Variants in IL16 observed in about 807,000 individuals in gnomAD.
IL16 encodes interleukin 16, also known as pro-interleukin-16.
IL16 carries 67 observed loss-of-function variants against 110.1 expected under a neutral mutation model. The ratio of observed to expected loss-of-function variants is 0.61; its 90% confidence interval spans 0.50 to 0.75. The LOEUF (loss-of-function observed/expected upper bound fraction) is 0.75. IL16 is among the 30% of genes least tolerant of loss of function. IL16 has a pLI of 0.00. For synonymous variants in IL16, 689 were observed against 662.9 expected (o/e 1.04, Z -0.61); for missense variants, 1,545 against 1,655.0 (o/e 0.93, Z 1.15).
chr15:81,231,564 G>A (rs1390146366), intron 2 of IL16, among the ~76,000 whole-genome samples: 2 of 152,062 alleles, frequency 1.3e-5, no homozygotes, highest in Non-Finnish European at 2.9e-5. Flanking sequence ...GTAGAGGTGG[G>A]GTTTCACCAT....
Position 81,303,417 on chromosome 15 carries a change from G to C in IL16, c.3319-132G>C. 1 of 649,316 alleles carries C rather than the reference G, an allele frequency of 1.5e-6. No homozygotes were observed. The highest frequency in any genetic ancestry group is 2.8e-6 in the Non-Finnish European group (1 of 354,430). The allele number at this position is 649,316 out of a possible 1,614,324, so 40.2% of individuals were successfully genotyped here. On this transcript the variant is annotated intron_variant, in intron 15 of 18. Transcript: ENST00000683961. This position sits in a 1 kb window ranked among gnomAD's most constrained non-coding sequence, Gnocchi z 4.1. ...TTTACAGATGAGGAAACTGAGGTTT[G>C]AGGAGGTGATGTAACTTGGAGGCTG...
chr15:81,308,869 G>A lies in IL16; in HGVS notation c.*71G>A. Reference sequence around the variant, plus strand: ...AGCTCCCATAACCGCTGATTCTCAGGGTCTCTGCTGCCGCCCCACCCAGAT... The same window carrying A: ...AGCTCCCATAACCGCTGATTCTCAGAGTCTCTGCTGCCGCCCCACCCAGAT... On this transcript the variant is annotated 3_prime_UTR_variant, in exon 19 of 19. Coordinates refer to ENST00000683961, the MANE Select transcript of IL16 (RefSeq NM_172217.5). The A allele has an allele frequency of 3.7e-6, 5 of 1,357,030 alleles. No homozygotes were observed. The highest frequency in any genetic ancestry group is 5.4e-4 in the Middle Eastern group (2 of 3,722). The allele number at this position is 1,357,030 out of a possible 1,614,324, so 84.1% of individuals were successfully genotyped here.
chr15:81,247,070 C>CTCTTTTT (rs1567016849), intron 2 of IL16, among the ~76,000 whole-genome samples: 3 of 107,576 alleles, frequency 2.8e-5, no homozygotes, highest in African/African-American at 1.0e-4. Context: ...TCTTTCTTTT[C>CTCTTTTT]TTTTCCTTTT....
intron 2 of IL16, among the ~76,000 whole-genome samples, chr15:81,247,469 T>C (rs1360884892): frequency 6.6e-6 from 1 of 152,204 alleles, no homozygotes; most frequent in Non-Finnish European, 1.5e-5. Context: ...GTAGTTATTT[T>C]CCAGTTACCT....
intron 2 of IL16, among the ~76,000 whole-genome samples, chr15:81,243,571 C>T (rs562940698): frequency 6.6e-6 from 1 of 152,032 alleles, no homozygotes; most frequent in South Asian, 2.1e-4. Context: ...ATAATATTAG[C>T]TTAATAAGAT....
At chr15:81,229,042 T>G (rs145144594) in intron 2 of IL16, among the ~76,000 whole-genome samples, 2,726 of 152,290 alleles carry the variant, frequency 0.018, 62 homozygotes, top group African/African-American at 0.06. Flanking sequence ...TGATGATGAT[T>G]ATTATTTCTA....
chr15:81,235,452 T>C (rs1897148332), intron 2 of IL16, among the ~76,000 whole-genome samples: 2 of 152,132 alleles, frequency 1.3e-5, no homozygotes, highest in Admixed American at 6.5e-5. Context: ...TGTGAACTCA[T>C]GACCACAAAA....
chr15:81,188,752 C>CT (rs951007813), intron 1 of IL16, among the ~76,000 whole-genome samples: 5 of 152,122 alleles, frequency 3.3e-5, no homozygotes, highest in Admixed American at 2.0e-4. Context: ...TCCTCCCGGC[C>CT]TTTTTTTCTT....
intron 3 of IL16, among the ~76,000 whole-genome samples, chr15:81,260,512 A>G (rs1193283110): frequency 6.6e-6 from 1 of 152,094 alleles, no homozygotes; most frequent in East Asian, 1.9e-4. Context: ...TAGTTAACCA[A>G]CTCCCTATTA....
At chr15:81,243,164 T>TATATACATATATATATATATATATATATA (rs60077602) in intron 2 of IL16, among the ~76,000 whole-genome samples, 18 of 15,756 alleles carry the variant, frequency 1.1e-3, no homozygotes, top group East Asian at 4.0e-3. Flanking sequence ...TATATATATA[T>TATATACATATATATATATATATATATATA]TTTTTTTTTT....
chr15:81,237,735 C>A (rs1395421704), intron 2 of IL16, among the ~76,000 whole-genome samples: 2 of 151,872 alleles, frequency 1.3e-5, no homozygotes, highest in Non-Finnish European at 1.5e-5. Context: ...TTATTTAGTT[C>A]CACTTATTTT....
intron 9 of IL16, among the ~76,000 whole-genome samples, chr15:81,284,004 GAAAAAAAAA>G (rs565288106): frequency 1.6e-4 from 13 of 82,712 alleles, no homozygotes; most frequent in African/African-American, 5.7e-4. Context: ...CCCTGTCTCA[GAAAAAAAAA>G]AAAAAAAAAA....
intron 6 of IL16, among the ~76,000 whole-genome samples, chr15:81,277,813 T>C (rs1484355263): frequency 6.6e-6 from 1 of 152,182 alleles, no homozygotes; most frequent in African/African-American, 2.4e-5. Context: ...AACGACCAGG[T>C]CCAGAAGTCA....
Position 81,280,857 on chromosome 15 carries a change from G to A in IL16, c.1081+1083G>A, listed in dbSNP as rs1374339386. Among the ~76,000 whole-genome samples the A allele has an allele frequency of 3.9e-5, 6 of 152,160 alleles. No individual in the cohort carries two copies. In the South Asian group the frequency reaches 8.3e-4, roughly 21 times the overall value. On this transcript the variant is annotated intron_variant, in intron 8 of 18. Coordinates refer to ENST00000683961, the MANE Select transcript of IL16 (RefSeq NM_172217.5). The stretch of plus-strand genomic sequence containing the variant: ...CCCAACAGCTGTAACCAGGGCTCCC[G>A]CAGTGCATTTGCTGAGCAGGCATAA...
At chr15:81,296,896 T>G (rs756426230) in intron 12 of IL16, 32 bp from the exon 13 acceptor site, 1 of 1,563,730 alleles carries the variant, frequency 6.4e-7, no homozygotes, top group African/African-American at 1.4e-5. Flanking sequence ...GCTACCGTTT[T>G]GACATGGTCT....
At chr15:81,249,975 A>AT (rs1385712084) in intron 2 of IL16, among the ~76,000 whole-genome samples, 2 of 152,108 alleles carry the variant, frequency 1.3e-5, no homozygotes, top group Admixed American at 1.3e-4. Flanking sequence ...AATATGAATA[A>AT]TTTTTTTAAA....
intron 1 of IL16, among the ~76,000 whole-genome samples, chr15:81,206,866 AATGATG>A (rs5814044): frequency 1.8e-4 from 27 of 150,876 alleles, no homozygotes; most frequent in African/African-American, 4.9e-4. Flanking sequence ...GGCTTTAAAT[AATGATG>A]ATGATGATGA....
chr15:81,262,559 T>G (rs1478416490), intron 3 of IL16, among the ~76,000 whole-genome samples: 1 of 140,734 alleles, frequency 7.1e-6, no homozygotes, highest in Non-Finnish European at 1.5e-5. Flanking sequence ...TTATTTTGCG[T>G]TTTTTGTTTG....
rs143628627 is a variant in IL16 at position 81,298,125 on chromosome 15, C to T, written c.2053+1047C>T. Among the ~76,000 whole-genome samples the T allele has an allele frequency of 1.9e-3, 297 of 152,346 alleles. 1 individual carries two copies. Among genetic ancestry groups the T allele is most frequent in the African/African-American group, 6.8e-3 (282 of 41,586 alleles). On this transcript the variant is annotated intron_variant, in intron 13 of 18. Transcript: ENST00000683961. ...CCTGTGGAACCTCTGCCTCCTGATT[C>T]TCACAACAGCACCTTACAGCCAAGC... is the stretch of plus-strand genomic sequence containing the variant.
Sources: gnomAD v4.1 joint callset for allele counts (sites outside exome capture counted in the v4.1 genomes callset) on GRCh38, gnomAD v4.1.1 for gene constraint, Gnocchi (gnomAD v3.1) non-coding constraint, MANE v1.5 for transcripts, NCBI Gene and HGNC (gene_info 2026-07-23, HGNC 2026-07-21) for gene names.